Variants in MTIF2 observed in about 807,000 individuals in gnomAD.
The protein encoded by MTIF2 is mitochondrial translational initiation factor 2.
In MTIF2, 71 loss-of-function variants were observed where a neutral mutation model predicts 83.5. That is an observed-to-expected ratio of 0.85 (90% CI 0.70 to 1.04). The LOEUF (loss-of-function observed/expected upper bound fraction) is 1.04. MTIF2 is among the 50% of genes least tolerant of loss of function. The pLI is 0.00. For synonymous variants in MTIF2, 319 were observed against 287.1 expected, an observed-to-expected ratio of 1.11 and a Z score of -1.12; for missense variants, 957 against 846.5, an observed-to-expected ratio of 1.13 and a Z score of -1.62.
intron 7 of MTIF2, among the ~76,000 whole-genome samples, chr2:55,253,125 C>A (rs916071582): frequency 3.3e-5 from 5 of 152,034 alleles, no homozygotes; most frequent in African/African-American, 7.2e-5. Context: ...CTGCTTAACT[C>A]GAAGAAGTAT....
chr2:55,237,179 C>A, intron 15 of MTIF2, 109 bp downstream of exon 15: 2 of 1,251,762 alleles, frequency 1.6e-6, no homozygotes, highest in South Asian at 1.5e-5. Context: ...TAAGAAATGG[C>A]CTGAGCTGAG....
rs200505278 is a variant in MTIF2, at chr2:55,263,679, C to G, written c.180G>C (p.Gly60=). The G allele has an allele frequency of 6.2e-6, 10 of 1,613,910 alleles. No homozygotes were observed. Among genetic ancestry groups the G allele is most frequent in the Middle Eastern group, 1.6e-4 (1 of 6,062 alleles). Reference sequence around the variant, plus strand: ...GAAGCCTATACTGAGATAAAGCAGCCCCAGTGAGCACATCTGTTGGCCAGG... The same window carrying G: ...GAAGCCTATACTGAGATAAAGCAGCGCCAGTGAGCACATCTGTTGGCCAGG... The part of the protein sequence containing the change: ...AWPWPTDVLT[G]AALSQYRLLV... The change falls in exon 4 of 16, where the codon GGG becomes GGC. Residue 60 remains glycine, a synonymous_variant. Coordinates refer to ENST00000263629, the MANE Select transcript of MTIF2 (RefSeq NM_002453.3).
At chr2:55,266,028 C>T (rs959528990) in intron 3 of MTIF2, among the ~76,000 whole-genome samples, 1 of 151,900 alleles carries the variant, frequency 6.6e-6, no homozygotes, top group Non-Finnish European at 1.5e-5. Flanking sequence ...AAATATACGC[C>T]ATTTTATATA....
At chr2:55,256,766 A>G (rs2920967) in intron 5 of MTIF2, among the ~76,000 whole-genome samples, 117,006 of 151,560 alleles carry the variant, frequency 0.77, 45,313 homozygotes, top group Non-Finnish European at 0.79. Flanking sequence ...GTGCAGTGGC[A>G]CAATCCTAAC....
At position 55,244,185 on chromosome 2, in the gene MTIF2, A is replaced by C. The variant is rs1206278658; in HGVS notation, c.1155T>G (p.Ser385=). 2 of 1,614,154 alleles carry C rather than the reference A, an allele frequency of 1.2e-6. No homozygotes were observed. Among genetic ancestry groups the C allele is most frequent in the Non-Finnish European group, 8.5e-7 (1 of 1,180,000 alleles). ...IIQRGTLRKG[S]VLVAGKCWAK... is the part of the protein sequence containing the mutation. ...CCCAACATTTTCCAGCAACCAGAACAGAGCCTTTTCTTAAAGTTCCTCTTT... is the reference window on the plus strand; with the variant it reads ...CCCAACATTTTCCAGCAACCAGAACCGAGCCTTTTCTTAAAGTTCCTCTTT... The change falls in exon 11 of 16, where the codon TCT becomes TCG. Residue 385 remains serine (S), a synonymous_variant. Transcript: ENST00000263629.
intron 8 of MTIF2, among the ~76,000 whole-genome samples, chr2:55,250,339 G>A (rs1677006552): frequency 6.6e-6 from 1 of 151,190 alleles, no homozygotes; most frequent in East Asian, 1.9e-4. Flanking sequence ...ATGTTCAAAG[G>A]TCAACTGTAT....
intron 4 of MTIF2, among the ~76,000 whole-genome samples, chr2:55,263,426 A>G (rs1399076266): frequency 2.0e-5 from 3 of 152,164 alleles, no homozygotes; most frequent in Non-Finnish European, 4.4e-5. Flanking sequence ...TTCATTTTAG[A>G]CCGAGTAATA....
intron 5 of MTIF2, among the ~76,000 whole-genome samples, chr2:55,259,480 T>C (rs1677793101): frequency 7.3e-6 from 1 of 137,642 alleles, no homozygotes; most frequent in Admixed American, 7.9e-5. Context: ...TTCCTCTATG[T>C]GTATAGGGGT....
At chr2:55,255,874 A>AT (rs1227995399) in intron 5 of MTIF2, among the ~76,000 whole-genome samples, 2 of 151,230 alleles carry the variant, frequency 1.3e-5, no homozygotes, top group Admixed American at 6.6e-5. Context: ...CTGAGTACTG[A>AT]TTTTTTTCTC....
rs186054874 is a variant in MTIF2, at chr2:55,238,538, T to A, written c.1871-1110A>T. On this transcript the variant is annotated intron_variant, in intron 14 of 15. Coordinates refer to ENST00000263629, the MANE Select transcript of MTIF2 (RefSeq NM_002453.3). The stretch of plus-strand genomic sequence containing the variant: ...TCCCAAGTAGCTGGGATTACAGGAA[T>A]GCGCCACCACGCCTGGCTAATTTTG... Among the ~76,000 whole-genome samples the A allele has an allele frequency of 3.9e-3, 588 of 152,112 alleles. 3 individuals carry two copies. Among genetic ancestry groups the A allele is most frequent in the Middle Eastern group, 0.031 (9 of 294 alleles).
chr2:55,254,620 C>T, intron 6 of MTIF2, 34 bp downstream of exon 6: 3 of 1,519,290 alleles, frequency 2.0e-6, no homozygotes, highest in Non-Finnish European at 2.7e-6. Flanking sequence ...GTAGTCTCCC[C>T]CAAACCCTGC....
intron 6 of MTIF2, 45 bp downstream of exon 6, chr2:55,254,609 T>A: frequency 7.0e-7 from 1 of 1,433,184 alleles, no homozygotes; most frequent in South Asian, 1.5e-5. Context: ...AATATAACTA[T>A]GTAGTCTCCC....
Position 55,261,585 on chromosome 2 carries a change from C to A in MTIF2, c.331+731G>T, listed in dbSNP as rs185494672. On this transcript the variant is annotated intron_variant, in intron 5 of 15. Transcript: ENST00000263629. Reference sequence around the variant, plus strand: ...TCGTGCCACTGCACTCCAGCCTGGGCAACGAGAGTGAAACTCCATCTCAAA... The same window carrying A: ...TCGTGCCACTGCACTCCAGCCTGGGAAACGAGAGTGAAACTCCATCTCAAA... 1.1e-3 allele frequency among the ~76,000 whole-genome samples: 160 copies of A among 151,550 alleles called. 2 individuals are homozygous for A. In the Middle Eastern group the frequency reaches 0.017, roughly 16 times the overall value.
At chr2:55,268,956 G>T (rs1015389213) in intron 1 of MTIF2, 2 of 151,950 alleles carry the variant, frequency 1.3e-5, no homozygotes, top group African/African-American at 4.8e-5. Flanking sequence ...AGGAGGGGAA[G>T]CCGGCCAGCC....
chr2:55,257,271 G>A (rs1006397357), intron 5 of MTIF2, among the ~76,000 whole-genome samples: 1 of 152,174 alleles, frequency 6.6e-6, no homozygotes, highest in African/African-American at 2.4e-5. Flanking sequence ...CCTAAGATGA[G>A]GAGTTTGAGA....
chr2:55,240,262 A>T (rs1307696100), intron 13 of MTIF2, 87 bp from the exon 14 acceptor site: 1 of 1,258,296 alleles, frequency 7.9e-7, no homozygotes, highest in Non-Finnish European at 1.1e-6. Flanking sequence ...CTTGAATCTA[A>T]ATTGTTTTAT....
chr2:55,252,926 A>T (rs1677215561), intron 7 of MTIF2, among the ~76,000 whole-genome samples: 1 of 152,190 alleles, frequency 6.6e-6, no homozygotes, highest in Admixed American at 6.5e-5. Context: ...ATCAACTGAT[A>T]TATCTATTTT....
intron 10 of MTIF2, among the ~76,000 whole-genome samples, chr2:55,244,706 C>T (rs1423907780): frequency 1.3e-5 from 2 of 151,550 alleles, no homozygotes; most frequent in Non-Finnish European, 2.9e-5. Context: ...CTTGAGCTCA[C>T]GAGTTTGAGA....
intron 14 of MTIF2, among the ~76,000 whole-genome samples, chr2:55,238,854 C>G (rs1315577234): frequency 6.6e-6 from 1 of 152,156 alleles, no homozygotes; most frequent in Non-Finnish European, 1.5e-5. Context: ...CTCAGTTTTC[C>G]ACATTGCTCT....
Sources: gnomAD v4.1 joint callset for allele counts (sites outside exome capture counted in the v4.1 genomes callset) on GRCh38, gnomAD v4.1.1 for gene constraint, MANE v1.5 for transcripts, NCBI Gene and HGNC (gene_info 2026-07-23, HGNC 2026-07-21) for gene names.